The following PKIB variants were observed in gnomAD, a reference collection of about 807,000 sequenced individuals.
The protein encoded by PKIB is cAMP-dependent protein kinase inhibitor beta.
In PKIB, 2 loss-of-function variants were observed where a neutral mutation model predicts 4.5. That is an observed-to-expected ratio of 0.44 (90% CI 0.18 to 1.39). The LOEUF (loss-of-function observed/expected upper bound fraction) is 1.39, where lower values mean the gene tolerates loss of function less well. Among genes scored for constraint, PKIB ranks in the 40% most tolerant of loss-of-function variants. The pLI is 0.27. For synonymous variants in PKIB, 38 were observed against 36.0 expected (o/e 1.06, Z -0.20); for missense variants, 94 against 92.6 (o/e 1.02, Z -0.06).
At chr6:122,716,622 T>C (rs1181564803) in intron 3 of PKIB, among the ~76,000 whole-genome samples, 1 of 29,316 alleles carries the variant, frequency 3.4e-5, no homozygotes, top group African/African-American at 1.0e-4. Flanking sequence ...TTGCATTCTA[T>C]GAACCAAAAA....
At chr6:122,607,341 A>G (rs1314962433), upstream of PKIB, among the ~76,000 whole-genome samples, 2 of 151,720 alleles carry the variant, frequency 1.3e-5, no homozygotes, top group Non-Finnish European at 2.9e-5. Context: ...AACAAAACAA[A>G]AAAACAAAAC....
chr6:122,532,278 G>T (rs1777281200), intron 2 of PKIB, among the ~76,000 whole-genome samples: 1 of 152,084 alleles, frequency 6.6e-6, no homozygotes, highest in Admixed American at 6.5e-5. Flanking sequence ...GTATCTTTCA[G>T]CAAATTAGTT....
chr6:122,498,391 T>G (rs1776135255), intron 2 of PKIB, among the ~76,000 whole-genome samples: 1 of 152,186 alleles, frequency 6.6e-6, no homozygotes, highest in Non-Finnish European at 1.5e-5. Flanking sequence ...ACTCACCAGG[T>G]TCCTCCCATG....
intron 2 of PKIB, among the ~76,000 whole-genome samples, chr6:122,663,940 A>T (rs1408758119): frequency 6.6e-6 from 1 of 152,194 alleles, no homozygotes; most frequent in Non-Finnish European, 1.5e-5. Flanking sequence ...GGGTGGAATC[A>T]TTCTACTGAA....
At chr6:122,523,536 T>C (rs1433215624) in intron 2 of PKIB, among the ~76,000 whole-genome samples, 2 of 151,928 alleles carry the variant, frequency 1.3e-5, no homozygotes, top group African/African-American at 2.4e-5. Flanking sequence ...AAAAGGGAAG[T>C]TCTTGGGAGG....
chr6:122,586,117 A>G (rs1157501679), intron 3 of PKIB: 3 of 152,168 alleles, frequency 2.0e-5, no homozygotes, highest in Non-Finnish European at 4.4e-5. Context: ...ACAAGTTGAT[A>G]CAATTGACAT....
At chr6:122,613,926 G>A (rs1188943299) in intron 1 of PKIB, among the ~76,000 whole-genome samples, 3 of 131,824 alleles carry the variant, frequency 2.3e-5, no homozygotes, top group Admixed American at 9.1e-5. Context: ...TGGCACCACT[G>A]CACTCCAGCC....
chr6:122,722,040 A>G (rs1165066973), intron 4 of PKIB, among the ~76,000 whole-genome samples: 1 of 152,196 alleles, frequency 6.6e-6, no homozygotes, highest in East Asian at 1.9e-4. Flanking sequence ...GGAAGAATAT[A>G]TTGAAAATAT....
intron 2 of PKIB, among the ~76,000 whole-genome samples, chr6:122,542,261 GC>G (rs1777628853): frequency 6.6e-6 from 1 of 152,010 alleles, no homozygotes; most frequent in African/African-American, 2.4e-5. Flanking sequence ...GAGGCACTCT[GC>G]TTTTTAGAGT....
chr6:122,602,652 C>G (rs949102704), intron 3 of PKIB, among the ~76,000 whole-genome samples: 4 of 152,018 alleles, frequency 2.6e-5, no homozygotes, highest in Non-Finnish European at 4.4e-5. Context: ...TGGTGGCACA[C>G]GCTTGTAATC....
chr6:122,555,217 G>A (rs549901171), intron 2 of PKIB, among the ~76,000 whole-genome samples: 14 of 152,142 alleles, frequency 9.2e-5, no homozygotes, highest in Non-Finnish European at 2.1e-4. Context: ...GTTGAGTCTC[G>A]AGGATTAATT....
intron 3 of PKIB, among the ~76,000 whole-genome samples, chr6:122,698,667 C>T (rs1329231712): frequency 1.3e-5 from 2 of 152,098 alleles, no homozygotes; most frequent in Admixed American, 1.3e-4. Context: ...AACTGGAGTG[C>T]CTGTTGATTT....
At chr6:122,651,351 T>A (rs767008873) in intron 2 of PKIB, among the ~76,000 whole-genome samples, 18 of 152,290 alleles carry the variant, frequency 1.2e-4, no homozygotes, top group Middle Eastern at 3.4e-3. Flanking sequence ...ACCTTAATCT[T>A]TAGGGCCTGC....
intron 1 of PKIB, among the ~76,000 whole-genome samples, chr6:122,477,573 A>T (rs1456204236): frequency 6.6e-6 from 1 of 152,084 alleles, no homozygotes; most frequent in Non-Finnish European, 1.5e-5. Flanking sequence ...TAGCCAATTT[A>T]TCCTGATTTC....
chr6:122,653,780 G>T (rs1776664337), intron 2 of PKIB, among the ~76,000 whole-genome samples: 1 of 152,076 alleles, frequency 6.6e-6, no homozygotes. Flanking sequence ...GGCCAACATG[G>T]TGAAACCCTG....
At chr6:122,712,397 T>C (rs947837435) in intron 3 of PKIB, among the ~76,000 whole-genome samples, 6 of 152,138 alleles carry the variant, frequency 3.9e-5, no homozygotes, top group African/African-American at 1.4e-4. Flanking sequence ...GGTTCGTGTG[T>C]TTCAAAACAG....
intron 3 of PKIB, among the ~76,000 whole-genome samples, chr6:122,687,620 T>C (rs567920625): frequency 6.6e-6 from 1 of 152,320 alleles, no homozygotes; most frequent in South Asian, 2.1e-4. Flanking sequence ...ATCTTATCAT[T>C]TTTTGTGTCC....
chr6:122,482,867 A>T (rs1314224958), intron 2 of PKIB: 1 of 152,162 alleles, frequency 6.6e-6, no homozygotes, highest in Non-Finnish European at 1.5e-5. Context: ...TTGGATTTAA[A>T]GTCCAACTGC....
intron 2 of PKIB, among the ~76,000 whole-genome samples, chr6:122,584,784 G>A (rs138477159): frequency 8.5e-5 from 13 of 152,186 alleles, no homozygotes; most frequent in African/African-American, 2.9e-4. Context: ...ATTAAATACT[G>A]TATTCACAAA....
Sources: allele counts gnomAD v4.1 joint callset (sites outside exome capture counted in the v4.1 genomes callset), GRCh38; gene constraint gnomAD v4.1.1; transcripts MANE v1.5; gene names NCBI Gene and HGNC (gene_info 2026-07-23, HGNC 2026-07-21).